Variants in LUZP1 observed in about 807,000 individuals in gnomAD.
LUZP1 encodes the protein leucine zipper protein 1, also known as filamin mechanobinding actin cross-linking protein.
A neutral mutation model predicts 71.3 loss-of-function variants in LUZP1; 25 were observed. That is an observed-to-expected ratio of 0.35 (90% CI 0.26 to 0.49). The LOEUF (loss-of-function observed/expected upper bound fraction) is 0.49. LUZP1 is among the 20% of genes least tolerant of loss of function. LUZP1 has a pLI of 0.99. For synonymous variants in LUZP1, 481 were observed against 506.4 expected, an observed-to-expected ratio of 0.95 and a Z score of 0.67; for missense variants, 1,142 against 1,300.8, an observed-to-expected ratio of 0.88 and a Z score of 1.88.
At chr1:23,123,999 T>C (rs539396138) in intron 2 of LUZP1, among the ~76,000 whole-genome samples, 2 of 152,126 alleles carry the variant, frequency 1.3e-5, no homozygotes, top group South Asian at 4.2e-4. Flanking sequence ...CTTAGAGCAC[T>C]GAAGAAAAAG....
Position 23,126,071 on chromosome 1 carries a change from G to T in LUZP1, c.-225-16944C>A, listed in dbSNP as rs1644169775. On this transcript the variant is annotated intron_variant, in intron 2 of 4. Transcript: ENST00000302291. ...CAGACTATACTTTTTAAAATACTGT[G>T]AAGTGTGTATGGGAGGGCGATCATT... is the stretch of plus-strand genomic sequence containing the variant. Among the ~76,000 whole-genome samples the T allele has an allele frequency of 1.3e-5, 2 of 152,152 alleles. 1 individual carries two copies. The highest frequency in any genetic ancestry group is 4.1e-4 in the South Asian group (2 of 4,834).
At chr1:23,108,229 T>G (rs1469292467) in intron 3 of LUZP1, among the ~76,000 whole-genome samples, 3 of 152,218 alleles carry the variant, frequency 2.0e-5, no homozygotes, top group Non-Finnish European at 2.9e-5. Context: ...TCAAAAGGTT[T>G]TGTATTTTGC....
chr1:23,115,834 G>A (rs945722299), intron 2 of LUZP1, among the ~76,000 whole-genome samples: 4 of 151,632 alleles, frequency 2.6e-5, no homozygotes, highest in African/African-American at 7.3e-5. Flanking sequence ...GAACCACCAC[G>A]CCCGGCCCTG....
chr1:23,120,177 G>C (rs753937682), intron 2 of LUZP1, among the ~76,000 whole-genome samples: 1 of 150,860 alleles, frequency 6.6e-6, no homozygotes, highest in African/African-American at 2.4e-5. Context: ...TCCAGAGCTC[G>C]AGCAATTCAC....
intron 3 of LUZP1, among the ~76,000 whole-genome samples, chr1:23,106,681 A>G (rs1200176786): frequency 1.3e-5 from 2 of 152,156 alleles, no homozygotes; most frequent in Admixed American, 1.3e-4. Context: ...GAGAGCCTTC[A>G]AAGTATGTCT....
At chr1:23,106,727 C>A (rs940558451) in intron 3 of LUZP1, among the ~76,000 whole-genome samples, 1 of 152,186 alleles carries the variant, frequency 6.6e-6, no homozygotes, top group Non-Finnish European at 1.5e-5. Flanking sequence ...ACCACTACCA[C>A]CCAGGTCCAA....
chr1:23,118,068 C>T (rs1193217985), intron 2 of LUZP1, among the ~76,000 whole-genome samples: 4 of 151,600 alleles, frequency 2.6e-5, no homozygotes, highest in African/African-American at 9.7e-5. Flanking sequence ...CCACCCTGGG[C>T]GACAGAGCGA....
chr1:23,117,213 G>C (rs1397129127), intron 2 of LUZP1, among the ~76,000 whole-genome samples: 1 of 152,144 alleles, frequency 6.6e-6, no homozygotes, highest in Non-Finnish European at 1.5e-5. Flanking sequence ...ACATGGGATT[G>C]AAAGTCAGAT....
chr1:23,124,861 T>C (rs1036812134), intron 2 of LUZP1, among the ~76,000 whole-genome samples: 3 of 152,162 alleles, frequency 2.0e-5, no homozygotes, highest in African/African-American at 7.2e-5. Context: ...AACAGTAAAA[T>C]GAAACCTACA....
At chr1:23,168,144 G>C (rs1359664817) in intron 2 of LUZP1, among the ~76,000 whole-genome samples, 1 of 145,446 alleles carries the variant, frequency 6.9e-6, no homozygotes, top group Non-Finnish European at 1.5e-5. Context: ...CGGCGGCCGC[G>C]GGACCCCTCC....
At chr1:23,160,508 T>A (rs1382609502) in intron 2 of LUZP1, among the ~76,000 whole-genome samples, 2 of 152,242 alleles carry the variant, frequency 1.3e-5, no homozygotes, top group African/African-American at 2.4e-5. Context: ...ACTGGACTCC[T>A]GTACTTTCAC....
chr1:23,117,526 G>A lies in LUZP1; in HGVS notation c.-225-8399C>T, dbSNP rs1249901237. ...AAGCCCTGGGGGGGGGGGCGGGGGGGGGGAACACCTTGAGAAAGTAACTTG... is the reference window on the plus strand; with the variant it reads ...AAGCCCTGGGGGGGGGGGCGGGGGGAGGGAACACCTTGAGAAAGTAACTTG... On this transcript the variant is annotated intron_variant, in intron 2 of 4. Coordinates refer to ENST00000302291, the Ensembl canonical transcript of LUZP1. Among the ~76,000 whole-genome samples, 27 of 117,594 alleles carry A rather than the reference G, an allele frequency of 2.3e-4. 2 individuals are homozygous for A. Among genetic ancestry groups the A allele is most frequent in the African/African-American group, 8.9e-4 (26 of 29,068 alleles). The allele number at this position is 117,594 out of a possible 152,430, so 77.1% of individuals were successfully genotyped here.
intron 2 of LUZP1, among the ~76,000 whole-genome samples, chr1:23,110,243 T>C (rs1432905922): frequency 6.6e-6 from 1 of 152,120 alleles, no homozygotes; most frequent in African/African-American, 2.4e-5. Flanking sequence ...AAATAGAGCT[T>C]TTCTTTCTGC....
intron 2 of LUZP1, among the ~76,000 whole-genome samples, chr1:23,164,491 C>CAA (rs1210956931): frequency 2.8e-5 from 3 of 108,820 alleles, no homozygotes; most frequent in African/African-American, 6.9e-5. Context: ...GACACCGTCT[C>CAA]AAAAAAAAAA....
intron 2 of LUZP1, among the ~76,000 whole-genome samples, chr1:23,146,238 G>A (rs565126585): frequency 3.9e-5 from 6 of 152,200 alleles, no homozygotes; most frequent in East Asian, 1.9e-4. Flanking sequence ...GGATGGTCTC[G>A]ATCTCTTGAC....
chr1:23,141,651 T>C (rs764719382), intron 2 of LUZP1, among the ~76,000 whole-genome samples: 17 of 152,154 alleles, frequency 1.1e-4, no homozygotes, highest in Admixed American at 2.0e-4. Flanking sequence ...TCATGGTCCA[T>C]AACATAAAAT....
chr1:23,139,019 A>AAAAATATATATAT (rs1317355746), intron 2 of LUZP1, among the ~76,000 whole-genome samples: 7 of 59,962 alleles, frequency 1.2e-4, no homozygotes, highest in South Asian at 7.8e-4. Context: ...AAAAAAAAAA[A>AAAAATATATATAT]ATATATATAT....
chr1:23,159,482 T>G (rs779875485), intron 2 of LUZP1, among the ~76,000 whole-genome samples: 4 of 152,234 alleles, frequency 2.6e-5, no homozygotes, highest in Non-Finnish European at 4.4e-5. Context: ...ACTGGATATC[T>G]AGCTTCTGTG....
intron 2 of LUZP1, among the ~76,000 whole-genome samples, chr1:23,132,775 ATAGTC>A (rs1210857804): frequency 2.6e-5 from 4 of 152,208 alleles, no homozygotes; most frequent in Non-Finnish European, 5.9e-5. Flanking sequence ...ATTCCAATGA[ATAGTC>A]TAATAAGTAT....
Sources: allele counts gnomAD v4.1 joint callset (sites outside exome capture counted in the v4.1 genomes callset), GRCh38; gene constraint gnomAD v4.1.1; transcripts MANE v1.5; gene names NCBI Gene and HGNC (gene_info 2026-07-23, HGNC 2026-07-21).